Variants in CFAP92 observed in about 807,000 individuals in gnomAD.
The protein encoded by CFAP92 is cilia and flagella associated protein 92 (putative).
In CFAP92, 86 loss-of-function variants were observed where a neutral mutation model predicts 106.3. That is an observed-to-expected ratio of 0.81 (90% CI 0.68 to 0.97). The LOEUF is 0.97. Ranked by LOEUF, CFAP92 falls within the 50% of genes least tolerant of loss-of-function variation. The pLI is 0.00. For synonymous variants in CFAP92, 477 were observed against 506.4 expected (o/e 0.94, Z 0.78); for missense variants, 1,204 against 1,283.8 (o/e 0.94, Z 0.95).
chr3:129,008,028 C>T, the CFAP92 span, among the ~76,000 whole-genome samples: 1 of 152,220 alleles, frequency 6.6e-6, no homozygotes, highest in African/African-American at 2.4e-5. Context: ...TTTGGCAGGG[C>T]CATGATCCTT....
At chr3:128,977,947 G>A in intron 5 of CFAP92, 98 bp downstream of exon 5, 1 of 1,488,168 alleles carries the variant, frequency 6.7e-7, no homozygotes, top group Non-Finnish European at 9.2e-7. Flanking sequence ...TACACAGGAG[G>A]GACGCCCATG....
chr3:128,919,890 C>T (rs1937125723), intron 12 of CFAP92, among the ~76,000 whole-genome samples: 1 of 152,206 alleles, frequency 6.6e-6, no homozygotes. Context: ...GGAGTAAGGG[C>T]AAGCCTGACT....
intron 4 of CFAP92, among the ~76,000 whole-genome samples, chr3:128,983,909 C>G (rs1576624159): frequency 6.6e-6 from 1 of 152,172 alleles, no homozygotes; most frequent in East Asian, 1.9e-4. Context: ...AGCTGCAGAG[C>G]AAGGCAGCAC....
chr3:129,013,864 A>G, the CFAP92 span, among the ~76,000 whole-genome samples: 2 of 152,178 alleles, frequency 1.3e-5, no homozygotes, highest in African/African-American at 4.8e-5. Context: ...CAATGATGGC[A>G]CCCAGTCCCC....
At chr3:128,956,207 T>TAAAAAAAAAAAAAAAAAAAAAAAA (rs1256391409) in intron 9 of CFAP92, among the ~76,000 whole-genome samples, 22 of 53,090 alleles carry the variant, frequency 4.1e-4, no homozygotes, top group East Asian at 1.7e-3. Flanking sequence ...AAAAAAAAAA[T>TAAAAAAAAAAAAAAAAAAAAAAAA]AAAAAAATAA....
At chr3:128,913,018 C>T in intron 15 of CFAP92, 1 of 458,950 alleles carries the variant, frequency 2.2e-6, no homozygotes, top group Non-Finnish European at 4.3e-6. Context: ...AAAGCTCTGT[C>T]TGGGTCATTC....
In CFAP92 at chr3:128,922,944, T is replaced by C. The variant is rs558383820; in HGVS notation, c.2752-6673A>G. 3.3e-5 allele frequency among the ~76,000 whole-genome samples: 5 copies of C among 152,372 alleles called. No homozygotes were observed. The South Asian group carries it at 1.0e-3, about 32-fold the overall frequency. On this transcript the variant is annotated intron_variant, in intron 12 of 15. Coordinates refer to ENST00000645291, the MANE Select transcript of CFAP92 (RefSeq NM_001394090.1). The stretch of plus-strand genomic sequence containing the variant: ...AAGAAGGATAAGCTTCGATTTGCTC[T>C]CTGTGCCTTCTGTTAGAAGGGGCCT...
intron 9 of CFAP92, among the ~76,000 whole-genome samples, chr3:128,956,207 T>TAAAAAAAAAAAAAAAAAAAAAAAAAAAA (rs1256391409): frequency 1.5e-4 from 8 of 53,172 alleles, no homozygotes; most frequent in South Asian, 5.6e-4. Context: ...AAAAAAAAAA[T>TAAAAAAAAAAAAAAAAAAAAAAAAAAAA]AAAAAAATAA....
intron 12 of CFAP92, among the ~76,000 whole-genome samples, chr3:128,928,730 G>A (rs1937989672): frequency 6.6e-6 from 1 of 152,228 alleles, no homozygotes; most frequent in Non-Finnish European, 1.5e-5. Context: ...GTAACTTTAA[G>A]CAGAGTCCTT....
intron 9 of CFAP92, among the ~76,000 whole-genome samples, chr3:128,950,961 G>A (rs543942543): frequency 6.6e-6 from 1 of 152,236 alleles, no homozygotes; most frequent in East Asian, 1.9e-4. Flanking sequence ...TACCAGCCTG[G>A]GTCAACTCTG....
intron 9 of CFAP92, among the ~76,000 whole-genome samples, chr3:128,956,214 AT>A (rs1312506935): frequency 0.012 from 1,132 of 92,594 alleles, 49 homozygotes; most frequent in African/African-American, 0.091. Flanking sequence ...AAATAAAAAA[AT>A]AAAAAAAAAA....
In CFAP92 at chr3:128,993,142, T is replaced by C. The variant is rs148955132; in HGVS notation, c.163A>G (p.Ile55Val). The C allele has an allele frequency of 8.3e-4, 1,347 of 1,614,084 alleles. 11 individuals carry two copies. In the African/African-American group the frequency reaches 0.015, roughly 18 times the overall value. Residue 55 changes from isoleucine to valine, a missense_variant, in exon 2 of 16, where the codon ATC (isoleucine) becomes GTC (valine). By Grantham distance (29) the Ile-to-Val change is conservative. Coordinates refer to ENST00000645291, the MANE Select transcript of CFAP92 (RefSeq NM_001394090.1). ...ESDSDRPCSS[I>V]ESSSEPASTF... ...CTGGCAGGCTCAGATGAGGACTCGA[T>C]GCTGCTGCACGGGCGGTCAGAGTCA...
intron 12 of CFAP92, among the ~76,000 whole-genome samples, chr3:128,922,297 C>A: frequency 6.6e-6 from 1 of 151,458 alleles, no homozygotes; most frequent in East Asian, 1.9e-4. Flanking sequence ...GAGTCAAGAT[C>A]GTGCCACTGC....
At chr3:129,016,702 G>C in the CFAP92 span, among the ~76,000 whole-genome samples, 1 of 152,084 alleles carries the variant, frequency 6.6e-6, no homozygotes, top group Non-Finnish European at 1.5e-5. Flanking sequence ...CCACTTCTCT[G>C]GTCAAACCCT....
chr3:128,984,967 A>G (rs1053580444), intron 4 of CFAP92, among the ~76,000 whole-genome samples: 11 of 152,256 alleles, frequency 7.2e-5, no homozygotes, highest in African/African-American at 2.7e-4. Flanking sequence ...CTAGATTCAC[A>G]GGAAAAATGT....
At chr3:129,011,911 A>T in the CFAP92 span, among the ~76,000 whole-genome samples, 1 of 152,228 alleles carries the variant, frequency 6.6e-6, no homozygotes, top group Non-Finnish European at 1.5e-5. Context: ...AGAAGGAAGG[A>T]GCCTAGACAG....
chr3:128,914,714 C>G (rs1936664470), intron 15 of CFAP92: 1 of 173,614 alleles, frequency 5.8e-6, no homozygotes. Flanking sequence ...AAAGAACTGT[C>G]AGTATCTTTG....
In CFAP92 at chr3:128,916,231, G is replaced by A. The variant is rs746253972; in HGVS notation, c.2792C>T (p.Pro931Leu). ...TEAYQVSKKP[P>L]KSVAKVIKIS... is the part of the protein sequence containing the mutation. ...TTTAATCACCTTCGCCACGGACTTCGGAGGCTTCTTGCTGACCTGGTAGGC... is the reference window on the plus strand; with the variant it reads ...TTTAATCACCTTCGCCACGGACTTCAGAGGCTTCTTGCTGACCTGGTAGGC... The change falls in exon 13 of 16, where the codon CCG becomes CTG. Residue 931 changes from proline (P) to leucine (L), a missense_variant. By Grantham distance (98) the Pro-to-Leu change is moderately conservative. Coordinates refer to ENST00000645291, the MANE Select transcript of CFAP92 (RefSeq NM_001394090.1). 25 of 1,231,916 alleles carry A rather than the reference G, an allele frequency of 2.0e-5. No individual in the cohort carries two copies. Among genetic ancestry groups the A allele is most frequent in the Middle Eastern group, 3.1e-4 (1 of 3,230 alleles). The allele number at this position is 1,231,916 out of a possible 1,614,324, so 76.3% of individuals were successfully genotyped here.
chr3:128,991,754 G>A, intron 2 of CFAP92: 2 of 1,010,992 alleles, frequency 2.0e-6, no homozygotes, highest in South Asian at 3.7e-5. Flanking sequence ...CTGTTGGTGC[G>A]CTCTCGGGGT....
Sources: gnomAD v4.1 joint callset for allele counts (sites outside exome capture counted in the v4.1 genomes callset) on GRCh38, gnomAD v4.1.1 for gene constraint, MANE v1.5 for transcripts, NCBI Gene and HGNC (gene_info 2026-07-23, HGNC 2026-07-21) for gene names.